Variants in ASAH2 observed in about 807,000 individuals in gnomAD.
The protein encoded by ASAH2 is N-acylsphingosine amidohydrolase 2, also known as neutral ceramidase.
Under a neutral mutation model 82.9 loss-of-function variants are expected in ASAH2, and 58 were observed. The ratio of observed to expected loss-of-function variants is 0.70; its 90% CI spans 0.57 to 0.87. The LOEUF (loss-of-function observed/expected upper bound fraction) is 0.87, where lower values mean the gene tolerates loss of function less well. Ranked by LOEUF, ASAH2 falls within the 40% of genes least tolerant of loss-of-function variation. The pLI is 0.00. For missense variants in ASAH2, 779 were observed against 834.0 expected (o/e 0.93, Z 0.81); for synonymous variants, 276 against 289.7 (o/e 0.95, Z 0.48).
chr10:50,226,230 A>T (rs1845881979), intron 7 of ASAH2, among the ~76,000 whole-genome samples: 1 of 152,226 alleles, frequency 6.6e-6, no homozygotes, highest in Non-Finnish European at 1.5e-5. Flanking sequence ...TTAAATGGTG[A>T]TTTAAAAAAT....
intron 7 of ASAH2, among the ~76,000 whole-genome samples, 171 bp downstream of exon 7, chr10:50,233,013 C>G (rs1282531937): frequency 1.3e-5 from 2 of 152,054 alleles, no homozygotes; most frequent in Non-Finnish European, 2.9e-5. Context: ...AGACTGAGAA[C>G]CCTGTACAAG....
chr10:50,235,184 A>G (rs2117956), intron 5 of ASAH2, among the ~76,000 whole-genome samples: 1 of 151,908 alleles, frequency 6.6e-6, no homozygotes, highest in African/African-American at 2.4e-5. Flanking sequence ...TAATACATTG[A>G]AAGCCTCAGT....
intron 7 of ASAH2, among the ~76,000 whole-genome samples, chr10:50,223,900 A>C (rs1040143662): frequency 2.0e-5 from 3 of 152,146 alleles, no homozygotes; most frequent in Non-Finnish European, 4.4e-5. Context: ...CAACCACTAG[A>C]AGCTAAAAGA....
intron 7 of ASAH2, among the ~76,000 whole-genome samples, chr10:50,220,073 T>C (rs1226887618): frequency 3.3e-5 from 5 of 152,318 alleles, no homozygotes; most frequent in Admixed American, 6.5e-5. Context: ...ACTTAAAACT[T>C]GTAGCCAACA....
At chr10:50,216,996 C>A (rs1845617266) in intron 8 of ASAH2, among the ~76,000 whole-genome samples, 2 of 152,132 alleles carry the variant, frequency 1.3e-5, no homozygotes, top group African/African-American at 2.4e-5. Flanking sequence ...GAAATTTGAT[C>A]TCCATTGTGG....
chr10:50,203,084 G>T (rs936044241), intron 15 of ASAH2, among the ~76,000 whole-genome samples, 160 bp from the exon 16 acceptor site: 46 of 151,906 alleles, frequency 3.0e-4, no homozygotes, highest in African/African-American at 9.6e-4. Flanking sequence ...CAAGTCAATG[G>T]ATCTACAAAT....
In ASAH2 at chr10:50,199,152, G is replaced by C; in HGVS notation, c.1762-6C>G. 2 of 1,612,988 alleles carry C rather than the reference G, an allele frequency of 1.2e-6. No homozygotes were observed. Among genetic ancestry groups the C allele is most frequent in the Non-Finnish European group, 1.7e-6 (2 of 1,179,222 alleles). ...GCTGCCTCATATCGCTGAGCCTGCA[G>C]GAAAGGCAGGGAGAGTTGTATATGG... is the stretch of plus-strand genomic sequence containing the variant. On this transcript the variant is annotated splice_region_variant and splice_polypyrimidine_tract_variant and intron_variant, in intron 16 of 20. Coordinates refer to ENST00000682911, the MANE Select transcript of ASAH2 (RefSeq NM_019893.4).
At chr10:50,241,406 C>T (rs906647905) in intron 4 of ASAH2, among the ~76,000 whole-genome samples, 3 of 152,150 alleles carry the variant, frequency 2.0e-5, no homozygotes, top group African/African-American at 7.2e-5. Flanking sequence ...GTCCTTCCTT[C>T]TATCCACCAC....
intron 7 of ASAH2, among the ~76,000 whole-genome samples, chr10:50,221,660 TATA>T (rs1845749386): frequency 1.3e-5 from 2 of 150,342 alleles, no homozygotes; most frequent in Non-Finnish European, 3.0e-5. Flanking sequence ...TGTGTGTGTG[TATA>T]GATAGATAGA....
At chr10:50,229,621 C>T (rs1845976874) in intron 7 of ASAH2, among the ~76,000 whole-genome samples, 2 of 152,068 alleles carry the variant, frequency 1.3e-5, no homozygotes, top group African/African-American at 4.8e-5. Context: ...TTTGTCATGC[C>T]ATCTAATCTC....
rs1047866980 is a variant in ASAH2 at position 50,229,668 on chromosome 10, G to T, written c.893+3516C>A. On this transcript the variant is annotated intron_variant, in intron 7 of 20. Transcript: ENST00000682911. The stretch of plus-strand genomic sequence containing the variant: ...TTGTCTTGCAACACCCTGCCCTGTT[G>T]ACCTCTGCACTCCAGCCACACTCAC... Among the ~76,000 whole-genome samples the T allele has an allele frequency of 1.3e-4, 20 of 152,086 alleles. No homozygotes were observed. The East Asian group carries it at 3.1e-3, about 24-fold the overall frequency.
chr10:50,243,156 T>G (rs939565919), intron 4 of ASAH2, 46 bp downstream of exon 4: 1 of 1,606,312 alleles, frequency 6.2e-7, no homozygotes, highest in African/African-American at 1.3e-5. Context: ...CACTTTTCCT[T>G]AAACCATATC....
At chr10:50,230,359 A>C (rs1845991401) in intron 7 of ASAH2, among the ~76,000 whole-genome samples, 2 of 152,132 alleles carry the variant, frequency 1.3e-5, no homozygotes, top group Non-Finnish European at 2.9e-5. Context: ...GGTCATCTCC[A>C]TGCTCTGTGA....
chr10:50,194,483 A>G (rs1589318238), intron 18 of ASAH2, among the ~76,000 whole-genome samples: 2 of 151,684 alleles, frequency 1.3e-5, no homozygotes, highest in Admixed American at 6.6e-5. Context: ...TGAAAAAGAG[A>G]ATCTACAAAA....
chr10:50,239,138 CT>C (rs1373531246), intron 4 of ASAH2, among the ~76,000 whole-genome samples: 2 of 152,148 alleles, frequency 1.3e-5, no homozygotes, highest in South Asian at 2.1e-4. Context: ...TTCTGTTTTT[CT>C]GTCATGCCTC....
rs944956016 is a variant in ASAH2, at chr10:50,206,517, T to C, written c.1415-420A>G. Among the ~76,000 whole-genome samples, 3 of 144,586 alleles carry C rather than the reference T, an allele frequency of 2.1e-5. No homozygotes were observed. In the East Asian group the frequency reaches 6.1e-4, roughly 29 times the overall value. The allele number at this position is 144,586 out of a possible 152,430, so 94.9% of individuals were successfully genotyped here. The stretch of plus-strand genomic sequence containing the variant: ...TCTGACTTATGGTCCCTGAAATAAT[T>C]TCTCCTGAATTTAGTTATCTACACA... On this transcript the variant is annotated intron_variant, in intron 12 of 20. Transcript: ENST00000682911.
chr10:50,203,706 C>T (rs1287506753), intron 14 of ASAH2, 27 bp from the exon 15 acceptor site: 13 of 1,608,312 alleles, frequency 8.1e-6, no homozygotes, highest in South Asian at 2.2e-5. Flanking sequence ...ATTATGTAAA[C>T]GTTTTCCTAC....
intron 7 of ASAH2, among the ~76,000 whole-genome samples, chr10:50,227,330 CAG>C (rs1298275161): frequency 5.7e-5 from 1 of 17,396 alleles, no homozygotes; most frequent in East Asian, 0.018. Flanking sequence ...CAAAAACAAA[CAG>C]ATACTTGTTT....
chr10:50,211,461 C>T (rs1310323874), intron 10 of ASAH2, among the ~76,000 whole-genome samples: 1 of 152,068 alleles, frequency 6.6e-6, no homozygotes, highest in African/African-American at 2.4e-5. Context: ...AATAACTGGA[C>T]CAAAATACTT....
Sources: gnomAD v4.1 joint callset for allele counts (sites outside exome capture counted in the v4.1 genomes callset) on GRCh38, gnomAD v4.1.1 for gene constraint, MANE v1.5 for transcripts, NCBI Gene and HGNC (gene_info 2026-07-23, HGNC 2026-07-21) for gene names.